Variants in LRP1B observed in about 807,000 individuals in gnomAD.
LRP1B encodes the protein LDL receptor related protein 1B.
A neutral mutation model predicts 556.6 loss-of-function variants in LRP1B; 217 were observed. That is an observed-to-expected ratio of 0.39 (90% CI 0.35 to 0.44). The LOEUF (loss-of-function observed/expected upper bound fraction) is 0.44, where lower values mean the gene tolerates loss of function less well. LRP1B is among the 20% of genes least tolerant of loss of function. LRP1B has a pLI of 1.00. For missense variants in LRP1B, 5,053 were observed against 5,620.8 expected, an observed-to-expected ratio of 0.90 and a Z score of 3.23; for synonymous variants, 2,047 against 1,865.8, an observed-to-expected ratio of 1.10 and a Z score of -2.50.
chr2:141,199,063 A>G (rs1312758803), intron 6 of LRP1B, among the ~76,000 whole-genome samples: 1 of 152,156 alleles, frequency 6.6e-6, no homozygotes, highest in Non-Finnish European at 1.5e-5. Flanking sequence ...CAGAGTGATC[A>G]TTGCAAAACA....
intron 6 of LRP1B, among the ~76,000 whole-genome samples, chr2:141,201,089 T>C (rs747846253): frequency 2.0e-5 from 3 of 152,110 alleles, no homozygotes; most frequent in Non-Finnish European, 4.4e-5. Context: ...CATAGATGAG[T>C]AATTTTATGA....
At chr2:141,807,814 AT>A (rs1696212868) in intron 2 of LRP1B, among the ~76,000 whole-genome samples, 1 of 152,006 alleles carries the variant, frequency 6.6e-6, no homozygotes, top group African/African-American at 2.4e-5. Context: ...GATTTTGACC[AT>A]TTTGAGTAGA....
intron 18 of LRP1B, among the ~76,000 whole-genome samples, chr2:140,975,400 A>G (rs1178954664): frequency 6.6e-6 from 1 of 152,176 alleles, no homozygotes; most frequent in Non-Finnish European, 1.5e-5. Flanking sequence ...AATTTACAGC[A>G]GCAGAAAGGA....
chr2:140,391,435 C>T (rs1684014371), intron 66 of LRP1B, among the ~76,000 whole-genome samples: 1 of 152,078 alleles, frequency 6.6e-6, no homozygotes, highest in Non-Finnish European at 1.5e-5. Context: ...AGAAAAGTTT[C>T]TGTATCTTGT....
chr2:140,246,070 ACTGT>A (rs1308119334), intron 87 of LRP1B, among the ~76,000 whole-genome samples: 14 of 151,526 alleles, frequency 9.2e-5, no homozygotes, highest in African/African-American at 1.9e-4. Context: ...TGATATCGAA[ACTGT>A]CTGGGGGCAG....
intron 1 of LRP1B, among the ~76,000 whole-genome samples, chr2:142,054,757 A>G (rs564916005): frequency 1.3e-5 from 2 of 152,254 alleles, no homozygotes; most frequent in South Asian, 2.1e-4. Flanking sequence ...AATTGATTCA[A>G]TTAAGTTGAA....
chr2:140,510,866 C>T (rs752270119), intron 51 of LRP1B, among the ~76,000 whole-genome samples: 3 of 152,052 alleles, frequency 2.0e-5, no homozygotes, highest in Non-Finnish European at 4.4e-5. Context: ...ATAGGGTAGC[C>T]ATATGTCAAA....
chr2:141,784,277 T>A (rs865981216), intron 2 of LRP1B, among the ~76,000 whole-genome samples: 6 of 151,946 alleles, frequency 3.9e-5, no homozygotes, highest in African/African-American at 1.4e-4. Flanking sequence ...GCAAGACATT[T>A]AGTATTTATA....
chr2:141,165,971 G>A (rs1313269657), intron 7 of LRP1B, among the ~76,000 whole-genome samples: 3 of 151,764 alleles, frequency 2.0e-5, no homozygotes, highest in African/African-American at 7.3e-5. Flanking sequence ...TTATAATGAT[G>A]TCCCTTCCAT....
intron 2 of LRP1B, among the ~76,000 whole-genome samples, chr2:141,770,466 G>A (rs1219813739): frequency 6.6e-6 from 1 of 152,138 alleles, no homozygotes; most frequent in Non-Finnish European, 1.5e-5. Flanking sequence ...TCTACTGAAG[G>A]TCATACCCTG....
In LRP1B at chr2:140,492,598, A is replaced by G. The variant is rs2104862844; in HGVS notation, c.9120+10T>C. The G allele has an allele frequency of 6.3e-7, 1 of 1,595,524 alleles. No individual in the cohort carries two copies. Among genetic ancestry groups the G allele is most frequent in the Non-Finnish European group, 8.6e-7 (1 of 1,163,366 alleles). ...TTAAATGTTACGGTGTCATCTTGGG[A>G]GTGTCATACCTGTTTTAAAAGTGTG... On this transcript the variant is annotated intron_variant, in intron 57 of 90. Coordinates refer to ENST00000389484, the MANE Select transcript of LRP1B (RefSeq NM_018557.3).
intron 41 of LRP1B, among the ~76,000 whole-genome samples, chr2:140,614,045 A>T (rs190380851): frequency 6.6e-6 from 1 of 152,070 alleles, no homozygotes; most frequent in Non-Finnish European, 1.5e-5. Context: ...GATTATTGAA[A>T]GCTAGTAGAC....
chr2:140,623,956 G>GTATATATATATATATATATATA (rs3060390), intron 41 of LRP1B, among the ~76,000 whole-genome samples: 5,787 of 105,880 alleles, frequency 0.055, 535 homozygotes, highest in Admixed American at 0.068. Flanking sequence ...TTTTATTTAT[G>GTATATATATATATATATATATA]TATATATATA....
chr2:141,784,212 A>G (rs915746291), intron 2 of LRP1B, among the ~76,000 whole-genome samples: 5 of 152,026 alleles, frequency 3.3e-5, no homozygotes, highest in African/African-American at 1.2e-4. Flanking sequence ...TTTCCCCCAA[A>G]GTGGAAATAA....
At chr2:141,518,245 C>T (rs1326907426) in intron 2 of LRP1B, among the ~76,000 whole-genome samples, 1 of 151,974 alleles carries the variant, frequency 6.6e-6, no homozygotes, top group East Asian at 1.9e-4. Flanking sequence ...CTCAGACAGG[C>T]CCAAAAGTGA....
At position 141,145,922 on chromosome 2, in the gene LRP1B, C is replaced by CT. The variant is rs70991144; in HGVS notation, c.1013+42498dup. Among the ~76,000 whole-genome samples the CT allele has an allele frequency of 2.7e-3, 184 of 67,202 alleles. 1 individual carries two copies. The highest frequency in any genetic ancestry group is 8.5e-3 in the African/African-American group (135 of 15,958). The allele number at this position is 67,202 out of a possible 152,430, so 44.1% of individuals were successfully genotyped here. On this transcript the variant is annotated intron_variant, in intron 7 of 90. Coordinates refer to ENST00000389484, the MANE Select transcript of LRP1B (RefSeq NM_018557.3). ...ACGTTTTTCTTTTCTTTCTTTCTTT[C>CT]TTTTTTTTTTTTTTTTTTTTGAGAT...
At chr2:141,228,945 C>T (rs1344178176) in intron 6 of LRP1B, among the ~76,000 whole-genome samples, 2 of 151,680 alleles carry the variant, frequency 1.3e-5, no homozygotes, top group Non-Finnish European at 2.9e-5. Flanking sequence ...TGTAAAAAGC[C>T]TTAAAGAAAT....
chr2:140,994,276 A>AT, intron 15 of LRP1B, 141 bp from the exon 16 acceptor site: 2 of 690,782 alleles, frequency 2.9e-6, no homozygotes, highest in Non-Finnish European at 4.8e-6. Context: ...TGTCTACCTT[A>AT]TTTTACTGAG....
intron 37 of LRP1B, among the ~76,000 whole-genome samples, chr2:140,711,118 C>A (rs569362945): frequency 4.6e-5 from 7 of 151,938 alleles, no homozygotes; most frequent in Admixed American, 3.3e-4. Context: ...AGAAGGAAAC[C>A]TTTTTCTGAG....
Sources: allele counts gnomAD v4.1 joint callset (sites outside exome capture counted in the v4.1 genomes callset), GRCh38; gene constraint gnomAD v4.1.1; transcripts MANE v1.5; gene names NCBI Gene and HGNC (gene_info 2026-07-23, HGNC 2026-07-21).